Variants in ESRRB observed in about 807,000 individuals in gnomAD.
The protein encoded by ESRRB is estrogen related receptor beta, also known as steroid hormone receptor ERR2.
In ESRRB, 16 loss-of-function variants were observed where a neutral mutation model predicts 46.0. That is an observed-to-expected ratio of 0.35 (90% CI 0.24 to 0.53). ESRRB has a LOEUF of 0.53. ESRRB is among the 20% of genes least tolerant of loss of function. The probability of loss-of-function intolerance (pLI) is 0.93; values close to 1 mark genes in which losing one functional copy is unlikely to be tolerated. For missense variants in ESRRB, 488 were observed against 607.4 expected, an observed-to-expected ratio of 0.80 and a Z score of 2.07; for synonymous variants, 246 against 259.6, an observed-to-expected ratio of 0.95 and a Z score of 0.50.
At chr14:76,350,835 C>T (rs1438289207) in intron 1 of ESRRB, among the ~76,000 whole-genome samples, 1 of 152,188 alleles carries the variant, frequency 6.6e-6, no homozygotes, top group African/African-American at 2.4e-5. Context: ...CTCCCTCTGC[C>T]CTGTCCTTCG....
At position 76,462,668 on chromosome 14, in the gene ESRRB, G is replaced by C. The variant is rs1200670881; in HGVS notation, c.577+7G>C. The C allele has an allele frequency of 1.2e-6, 2 of 1,601,030 alleles. No individual in the cohort carries two copies. The highest frequency in any genetic ancestry group is 1.7e-6 in the Non-Finnish European group (2 of 1,168,358). Reference sequence around the variant, plus strand: ...GTGGGGATGCTGAAGGAAGGTAAGAGACCCCACCGAGTCGGGGTTCACTGT... The same window carrying C: ...GTGGGGATGCTGAAGGAAGGTAAGACACCCCACCGAGTCGGGGTTCACTGT... On this transcript the variant is annotated splice_region_variant and intron_variant, in intron 3 of 6. Coordinates refer to ENST00000644823, the MANE Select transcript of ESRRB (RefSeq NM_001379180.1).
chr14:76,439,500 G>A lies in ESRRB; in HGVS notation c.210G>A (p.Leu70=), dbSNP rs1247862840. 6.2e-7 allele frequency: 1 copy of A among 1,612,696 alleles called. No individual in the cohort carries two copies. The highest frequency in any genetic ancestry group is 1.7e-5 in the Admixed American group (1 of 60,012). ...SDASGGFGLA[L]GTHANGLDSP... ...CCAGCGGCGGCTTTGGCCTGGCCCT[G>A]GGCACCCACGCCAACGGTCTGGACT... Residue 70 remains leucine, a synonymous_variant, in exon 2 of 7, where the codon CTG becomes CTA. Transcript: ENST00000644823.
At chr14:76,449,432 T>A (rs1355459263) in intron 2 of ESRRB, among the ~76,000 whole-genome samples, 5 of 151,994 alleles carry the variant, frequency 3.3e-5, no homozygotes, top group Non-Finnish European at 7.4e-5. Flanking sequence ...ATGCCTGTAA[T>A]CCCAGCTACT....
chr14:76,462,722 C>T (rs142240389), intron 3 of ESRRB, 61 bp downstream of exon 3: 217 of 1,273,118 alleles, frequency 1.7e-4, no homozygotes, highest in Admixed American at 2.9e-4. Flanking sequence ...GAGTTTTTGT[C>T]CCCTGTGAGA....
intron 5 of ESRRB, among the ~76,000 whole-genome samples, chr14:76,489,254 C>G (rs192897626): frequency 3.3e-5 from 5 of 152,200 alleles, no homozygotes; most frequent in South Asian, 2.1e-4. Flanking sequence ...CTGTCCAACA[C>G]TCCCCCCAAC....
chr14:76,424,741 TTG>T (rs1181365441), intron 1 of ESRRB, among the ~76,000 whole-genome samples: 2 of 151,954 alleles, frequency 1.3e-5, no homozygotes, highest in Non-Finnish European at 2.9e-5. Flanking sequence ...TCTTTTTTGT[TTG>T]TTTGTTTGTT....
intron 1 of ESRRB, among the ~76,000 whole-genome samples, chr14:76,334,408 C>T (rs1158665364): frequency 6.6e-6 from 1 of 152,206 alleles, no homozygotes; most frequent in Non-Finnish European, 1.5e-5. Flanking sequence ...CAGTGTACCC[C>T]TCCGTCTTCC....
chr14:76,391,095 A>G (rs986971177), intron 1 of ESRRB, among the ~76,000 whole-genome samples: 2 of 152,230 alleles, frequency 1.3e-5, no homozygotes, highest in African/African-American at 4.8e-5. Flanking sequence ...TTCCTGGCCA[A>G]TCCCGAGTTG....
chr14:76,488,917 A>G (rs1280269599), intron 5 of ESRRB, among the ~76,000 whole-genome samples: 1 of 152,010 alleles, frequency 6.6e-6, no homozygotes, highest in African/African-American at 2.4e-5. Flanking sequence ...CTTCCCCTTC[A>G]CTGTAAACCG....
chr14:76,379,264 C>T lies in ESRRB; in HGVS notation c.50+2813C>T, dbSNP rs59554778. Among the ~76,000 whole-genome samples, 444 of 152,256 alleles carry T rather than the reference C, an allele frequency of 2.9e-3. 2 individuals are homozygous for T. Among genetic ancestry groups the T allele is most frequent in the African/African-American group, 0.01 (426 of 41,546 alleles). ...CACCCAGAGTGGGAGGCAGCGTGCT[C>T]GCCTGTGTGTGCCTGTGTACAAATG... On this transcript the variant is annotated intron_variant, in intron 1 of 6. Coordinates refer to ENST00000644823, the MANE Select transcript of ESRRB (RefSeq NM_001379180.1).
In ESRRB at chr14:76,499,153, C is replaced by T. The variant is rs1022891223; in HGVS notation, c.*695C>T. Reference sequence around the variant, plus strand: ...CCTGTCCTCCTCCTCTTCTCCTCCCCCCGGGAGTCCCCCGCTACTTCCTGA... The same window carrying T: ...CCTGTCCTCCTCCTCTTCTCCTCCCTCCGGGAGTCCCCCGCTACTTCCTGA... On this transcript the variant is annotated 3_prime_UTR_variant, in exon 7 of 7. Transcript: ENST00000644823. The T allele has an allele frequency of 2.2e-5, 7 of 313,440 alleles. No homozygotes were observed. The Admixed American group carries it at 2.8e-4, about 12-fold the overall frequency. 19.4% of individuals were successfully genotyped at this position (313,440 alleles called of 1,614,324 possible). A position where few individuals can be genotyped will look rare whatever the true frequency, so the allele number is the denominator to read the frequency against.
intron 1 of ESRRB, among the ~76,000 whole-genome samples, chr14:76,424,856 C>T (rs1207376395): frequency 1.3e-5 from 2 of 152,162 alleles, no homozygotes; most frequent in African/African-American, 4.8e-5. Context: ...CCTGCCTCTG[C>T]CTCTGAAGTA....
At chr14:76,395,667 C>T (rs761137570) in intron 1 of ESRRB, among the ~76,000 whole-genome samples, 1 of 152,212 alleles carries the variant, frequency 6.6e-6, no homozygotes, top group East Asian at 1.9e-4. Flanking sequence ...TGCTTTTATG[C>T]AGGGTACTGT....
rs1019095927 is a variant in ESRRB, at chr14:76,499,516, G to A, written c.*1058G>A. On this transcript the variant is annotated 3_prime_UTR_variant, in exon 7 of 7. Coordinates refer to ENST00000644823, the MANE Select transcript of ESRRB (RefSeq NM_001379180.1). ...CAAAGGGAGGGAACTCAGCGGGGTG[G>A]CCTGCCTCATCCTTCCTGGCTTCCC... The A allele has an allele frequency of 1.5e-5, 6 of 404,590 alleles. No homozygotes were observed. Among genetic ancestry groups the A allele is most frequent in the Admixed American group, 3.6e-5 (1 of 27,894 alleles). The allele number at this position is 404,590 out of a possible 1,614,324, so 25.1% of individuals were successfully genotyped here.
chr14:76,429,414 A>T (rs1887337844), intron 1 of ESRRB, among the ~76,000 whole-genome samples: 1 of 152,182 alleles, frequency 6.6e-6, no homozygotes. Context: ...CCCAAGATTC[A>T]ATCACACAGG....
intron 1 of ESRRB, among the ~76,000 whole-genome samples, chr14:76,323,959 T>C (rs189461584): frequency 6.6e-6 from 1 of 150,870 alleles, no homozygotes; most frequent in Non-Finnish European, 1.5e-5. Context: ...CTGGTGATGT[T>C]TGGCATTGCC....
intron 3 of ESRRB, among the ~76,000 whole-genome samples, chr14:76,469,029 G>A (rs562593396): frequency 1.3e-5 from 2 of 152,126 alleles, no homozygotes; most frequent in South Asian, 4.2e-4. Flanking sequence ...CCTGACAAAC[G>A]CTGGTCCCCC....
intron 1 of ESRRB, among the ~76,000 whole-genome samples, chr14:76,346,670 AGCTGCTTCTGGGG>A (rs1443848770): frequency 6.6e-6 from 1 of 152,104 alleles, no homozygotes; most frequent in African/African-American, 2.4e-5. Context: ...CTCAACTGGG[AGCTGCTTCTGGGG>A]GCTGCTCCCC....
intron 1 of ESRRB, among the ~76,000 whole-genome samples, chr14:76,332,143 T>A (rs1884020888): frequency 6.6e-6 from 1 of 151,810 alleles, no homozygotes; most frequent in African/African-American, 2.4e-5. Context: ...TGGAGTTGCC[T>A]CTCTCTTGGG....
Sources: gnomAD v4.1 joint callset for allele counts (sites outside exome capture counted in the v4.1 genomes callset) on GRCh38, gnomAD v4.1.1 for gene constraint, MANE v1.5 for transcripts, NCBI Gene and HGNC (gene_info 2026-07-23, HGNC 2026-07-21) for gene names.